The following NRG3 variants were observed in gnomAD, a reference collection of about 807,000 sequenced individuals.
NRG3 encodes pro-neuregulin-3, membrane-bound isoform.
Under a neutral mutation model 66.9 loss-of-function variants are expected in NRG3, and 31 were observed. The ratio of observed to expected loss-of-function variants is 0.46; its 90% CI spans 0.35 to 0.63. The LOEUF (loss-of-function observed/expected upper bound fraction) is 0.63, where lower values mean the gene tolerates loss of function less well. Ranked by LOEUF, NRG3 falls within the 20% of genes least tolerant of loss-of-function variation. The pLI is 0.00. For missense variants in NRG3, 910 were observed against 878.9 expected (o/e 1.04, Z -0.45); for synonymous variants, 393 against 359.4 (o/e 1.09, Z -1.06).
At chr10:82,627,062 T>C (rs1266232716) in intron 2 of NRG3, among the ~76,000 whole-genome samples, 3 of 152,116 alleles carry the variant, frequency 2.0e-5, no homozygotes, top group African/African-American at 7.2e-5. Context: ...AGTGGTTGCA[T>C]TTTAATAAGG....
chr10:82,064,388 T>C (rs1341793032), intron 1 of NRG3, among the ~76,000 whole-genome samples: 1 of 151,594 alleles, frequency 6.6e-6, no homozygotes, highest in African/African-American at 2.4e-5. Context: ...AATATATTTA[T>C]TATAAAACAA....
chr10:82,182,909 T>C (rs2073534314), intron 1 of NRG3, among the ~76,000 whole-genome samples: 1 of 151,994 alleles, frequency 6.6e-6, no homozygotes, highest in Non-Finnish European at 1.5e-5. Flanking sequence ...TATTCTTGTT[T>C]GGCATTTTTT....
chr10:82,489,999 G>A (rs548389246), intron 2 of NRG3, among the ~76,000 whole-genome samples: 16 of 152,152 alleles, frequency 1.1e-4, no homozygotes, highest in Non-Finnish European at 2.2e-4. Context: ...CAGAGAAGAT[G>A]AATGATTTCT....
chr10:82,553,727 G>A (rs2132922154), intron 2 of NRG3, among the ~76,000 whole-genome samples: 1 of 152,140 alleles, frequency 6.6e-6, no homozygotes, highest in South Asian at 2.1e-4. Flanking sequence ...TAGGGTGGGG[G>A]AATACTGAAA....
At chr10:81,916,518 G>A (rs1352445461) in intron 1 of NRG3, among the ~76,000 whole-genome samples, 4 of 152,164 alleles carry the variant, frequency 2.6e-5, no homozygotes, top group Non-Finnish European at 4.4e-5. Context: ...AAAAGACATT[G>A]GCATTGGGGG....
At chr10:82,272,032 G>A (rs2078623873) in intron 1 of NRG3, among the ~76,000 whole-genome samples, 1 of 152,150 alleles carries the variant, frequency 6.6e-6, no homozygotes, top group East Asian at 1.9e-4. Context: ...TCTGGAGATA[G>A]AATTTAGACA....
chr10:82,308,443 G>A (rs2080861942), intron 1 of NRG3, among the ~76,000 whole-genome samples: 1 of 151,974 alleles, frequency 6.6e-6, no homozygotes, highest in Non-Finnish European at 1.5e-5. Flanking sequence ...GGGCTCTCTT[G>A]TAATATCCCG....
chr10:82,752,877 AT>A (rs2058929236), intron 3 of NRG3, among the ~76,000 whole-genome samples: 1 of 152,154 alleles, frequency 6.6e-6, no homozygotes. Flanking sequence ...GATTTCTGTT[AT>A]TTATAAACGA....
At chr10:82,566,352 G>T (rs930242610) in intron 2 of NRG3, among the ~76,000 whole-genome samples, 3 of 151,810 alleles carry the variant, frequency 2.0e-5, no homozygotes, top group Admixed American at 2.0e-4. Flanking sequence ...TAAATTTTCA[G>T]AATCGAAGAA....
intron 1 of NRG3, among the ~76,000 whole-genome samples, chr10:82,172,236 TAGTGGACAACTAATAAACAAAG>T (rs2133111866): frequency 6.6e-6 from 1 of 152,228 alleles, no homozygotes; most frequent in African/African-American, 2.4e-5. Context: ...TTTATCCTAT[TAGTGGACAACTAATAAACAAAG>T]AGAATTTAAA....
intron 2 of NRG3, among the ~76,000 whole-genome samples, chr10:82,579,985 C>G (rs1320185641): frequency 6.6e-6 from 1 of 151,784 alleles, no homozygotes; most frequent in Non-Finnish European, 1.5e-5. Context: ...CCCAAGGATA[C>G]CAAAATCTAA....
At chr10:82,856,649 C>G (rs1404856848) in intron 3 of NRG3, among the ~76,000 whole-genome samples, 2 of 141,370 alleles carry the variant, frequency 1.4e-5, no homozygotes, top group Non-Finnish European at 3.0e-5. Flanking sequence ...GGGGCTGAGA[C>G]AGGAGAATCA....
chr10:82,214,925 C>T (rs928725887), intron 1 of NRG3, among the ~76,000 whole-genome samples: 3 of 152,178 alleles, frequency 2.0e-5, no homozygotes, highest in South Asian at 4.1e-4. Context: ...GCTATGGCAT[C>T]ACTGATCTCA....
intron 1 of NRG3, among the ~76,000 whole-genome samples, chr10:82,331,383 C>T (rs1338020605): frequency 6.6e-6 from 1 of 152,094 alleles, no homozygotes; most frequent in African/African-American, 2.4e-5. Flanking sequence ...TTTTCTGGAC[C>T]ACACTATAAA....
intron 1 of NRG3, among the ~76,000 whole-genome samples, chr10:82,078,503 A>G (rs1472008212): frequency 6.6e-6 from 1 of 152,118 alleles, no homozygotes; most frequent in Non-Finnish European, 1.5e-5. Context: ...GGCACCCGCC[A>G]CCACACCCGG....
intron 2 of NRG3, among the ~76,000 whole-genome samples, chr10:82,428,622 T>C (rs1397900390): frequency 1.3e-5 from 2 of 152,046 alleles, no homozygotes; most frequent in African/African-American, 4.8e-5. Flanking sequence ...GTTTGATTTA[T>C]GTCCTAATAT....
At chr10:82,901,089 GT>G (rs1844175684) in intron 4 of NRG3, among the ~76,000 whole-genome samples, 1 of 152,278 alleles carries the variant, frequency 6.6e-6, no homozygotes, top group South Asian at 2.1e-4. Context: ...CTAACAGCAT[GT>G]GTTATAATGT....
At chr10:82,271,584 G>A (rs2078600598) in intron 1 of NRG3, among the ~76,000 whole-genome samples, 1 of 151,932 alleles carries the variant, frequency 6.6e-6, no homozygotes, top group Non-Finnish European at 1.5e-5. Flanking sequence ...GTCATGAAGT[G>A]TCTAAACAAT....
At chr10:82,693,989 T>C (rs1044344034) in intron 2 of NRG3, among the ~76,000 whole-genome samples, 2 of 152,230 alleles carry the variant, frequency 1.3e-5, no homozygotes, top group Admixed American at 1.3e-4. Flanking sequence ...TGCTGATTTG[T>C]CCATTTTACA....
Sources: gnomAD v4.1 joint callset for allele counts (sites outside exome capture counted in the v4.1 genomes callset) on GRCh38, gnomAD v4.1.1 for gene constraint, MANE v1.5 for transcripts, NCBI Gene and HGNC (gene_info 2026-07-23, HGNC 2026-07-21) for gene names.